The following MED13 variants were observed in gnomAD, a reference collection of about 807,000 sequenced individuals.
The protein encoded by MED13 is mediator of RNA polymerase II transcription subunit 13.
In MED13, 23 loss-of-function variants were observed where a neutral mutation model predicts 225.2. The observed-to-expected ratio is 0.10, with a 90% CI of 0.07 to 0.14. The LOEUF (loss-of-function observed/expected upper bound fraction) is 0.14, where lower values mean the gene tolerates loss of function less well. MED13 is among the 10% of genes least tolerant of loss of function. The pLI is 1.00. For missense variants in MED13, 2,197 were observed against 2,594.5 expected, an observed-to-expected ratio of 0.85 and a Z score of 3.33; for synonymous variants, 942 against 889.2, an observed-to-expected ratio of 1.06 and a Z score of -1.06.
chr17:62,035,926 C>T (rs1372669895), intron 3 of MED13, among the ~76,000 whole-genome samples: 9 of 151,744 alleles, frequency 5.9e-5, no homozygotes, highest in Admixed American at 5.3e-4. Flanking sequence ...GGATAGGCTA[C>T]CAAAATAGTA....
chr17:62,037,592 A>AG, intron 3 of MED13, among the ~76,000 whole-genome samples: 1 of 150,084 alleles, frequency 6.7e-6, no homozygotes, highest in East Asian at 2.0e-4. Context: ...GCTTGAACCC[A>AG]GGAGACGCAG....
At chr17:61,948,893 C>T (rs970916898) in intron 28 of MED13, among the ~76,000 whole-genome samples, 6 of 150,640 alleles carry the variant, frequency 4.0e-5, no homozygotes, top group Admixed American at 6.6e-5. Flanking sequence ...GAGACCATCC[C>T]GGCTAAAACG....
chr17:61,981,813 A>G (rs572522994), intron 16 of MED13, among the ~76,000 whole-genome samples: 138 of 152,362 alleles, frequency 9.1e-4, no homozygotes, highest in African/African-American at 3.1e-3. Flanking sequence ...ATAGATTCAA[A>G]AAGGGCAAAG....
At chr17:61,966,438 A>G (rs2080058826) in intron 19 of MED13, 24 bp downstream of exon 19, 2 of 1,584,572 alleles carry the variant, frequency 1.3e-6, no homozygotes, top group Non-Finnish European at 1.7e-6. Context: ...CACCAGCCTT[A>G]TACAATAAAT....
At chr17:61,973,992 C>T (rs977264096) in intron 16 of MED13, among the ~76,000 whole-genome samples, 8 of 151,570 alleles carry the variant, frequency 5.3e-5, no homozygotes, top group African/African-American at 1.7e-4. Context: ...TCTCAAAAAA[C>T]AAAAACAAAA....
chr17:62,047,013 G>GT (rs2080903635), intron 3 of MED13, among the ~76,000 whole-genome samples: 1 of 149,422 alleles, frequency 6.7e-6, no homozygotes, highest in Non-Finnish European at 1.5e-5. Flanking sequence ...CCACTTCAGA[G>GT]TGTGTGCCAC....
chr17:62,054,082 G>A (rs1301637912), intron 2 of MED13, among the ~76,000 whole-genome samples: 3 of 152,004 alleles, frequency 2.0e-5, no homozygotes, highest in Non-Finnish European at 4.4e-5. Flanking sequence ...TGAGGTGGGC[G>A]GATCACCTGA....
intron 9 of MED13, among the ~76,000 whole-genome samples, chr17:62,001,705 C>T (rs781414485): frequency 1.3e-5 from 2 of 152,086 alleles, no homozygotes; most frequent in African/African-American, 4.8e-5. Context: ...AAATTATTCC[C>T]CACTCTGTGT....
intron 8 of MED13, among the ~76,000 whole-genome samples, chr17:62,020,208 T>C (rs1427891509): frequency 2.0e-5 from 3 of 151,754 alleles, no homozygotes; most frequent in African/African-American, 7.3e-5. Flanking sequence ...ATTTAATGTA[T>C]TGCTTTTTAC....
chr17:62,025,856 CA>C (rs1217496732), intron 8 of MED13, among the ~76,000 whole-genome samples: 1 of 152,102 alleles, frequency 6.6e-6, no homozygotes, highest in African/African-American at 2.4e-5. Context: ...ATCTCTCTAA[CA>C]GAGGTAAATT....
In MED13 at chr17:61,972,716, A is replaced by G; in HGVS notation, c.3967+11T>C. 2 of 1,597,490 alleles carry G rather than the reference A, an allele frequency of 1.3e-6. No individual in the cohort carries two copies. Among genetic ancestry groups the G allele is most frequent in the Non-Finnish European group, 8.5e-7 (1 of 1,174,614 alleles). On this transcript the variant is annotated intron_variant, in intron 17 of 29. Transcript: ENST00000397786. ...AAAATTAGTCATTATATATCACTAT[A>G]AATTACTTACCATAAGAGCCTCGGC...
At chr17:62,035,261 G>T (rs1353968707) in intron 4 of MED13, among the ~76,000 whole-genome samples, 1 of 152,022 alleles carries the variant, frequency 6.6e-6, no homozygotes, top group Non-Finnish European at 1.5e-5. Context: ...TCACGGTCAA[G>T]AATTTTTTGG....
In MED13 at chr17:62,010,605, A is replaced by T. The variant is rs1296314440; in HGVS notation, c.1912T>A (p.Phe638Ile). The T allele has an allele frequency of 1.3e-6, 2 of 1,493,972 alleles. No homozygotes were observed. Among genetic ancestry groups the T allele is most frequent in the African/African-American group, 2.8e-5 (2 of 71,310 alleles). 92.5% of individuals were successfully genotyped at this position (1,493,972 alleles called of 1,614,324 possible). A position where few individuals can be genotyped will look rare whatever the true frequency, so the allele number is the denominator to read the frequency against. Residue 638 changes from phenylalanine (F) to isoleucine (I), a missense_variant, in exon 9 of 30, where the codon TTC becomes ATC. By Grantham distance (21) the Phe-to-Ile change is conservative. Transcript: ENST00000397786. ...FLPPQLPSDK[F>I]KDDPVGPFGQ... Reference sequence around the variant, plus strand: ...AAAGGTCCAACTGGATCATCCTTGAATTTATCACTTGGAAGTTGAGGTGGT... The same window carrying T: ...AAAGGTCCAACTGGATCATCCTTGATTTTATCACTTGGAAGTTGAGGTGGT...
intron 8 of MED13, among the ~76,000 whole-genome samples, chr17:62,016,968 G>A (rs2143621279): frequency 6.6e-6 from 1 of 151,632 alleles, no homozygotes; most frequent in Non-Finnish European, 1.5e-5. Flanking sequence ...CCAAGATCAC[G>A]TCACTGCACT....
chr17:61,953,247 T>C, intron 26 of MED13, 134 bp from the exon 27 acceptor site: 1 of 858,378 alleles, frequency 1.2e-6, no homozygotes, highest in Non-Finnish European at 1.7e-6. Context: ...GTGTCTACCA[T>C]GTGCCAAGTA....
rs201249883 is a variant in MED13 at position 61,944,372 on chromosome 17, GTT to G, written c.*2094_*2095del. On this transcript the variant is annotated 3_prime_UTR_variant, in exon 30 of 30. Coordinates refer to ENST00000397786, the MANE Select transcript of MED13 (RefSeq NM_005121.3). ...ACATTTTCCTTCAAATCTCAGACAA[GTT>G]TTTTTTTTTTTTTTAAAGAAAGTAC... is the stretch of plus-strand genomic sequence containing the variant. 9.8e-4 allele frequency: 137 copies of G among 140,126 alleles called. No homozygotes were observed. The highest frequency in any genetic ancestry group is 3.1e-3 in the African/African-American group (120 of 38,228). The allele number at this position is 140,126 out of a possible 1,614,324, so 8.7% of individuals were successfully genotyped here. A position where few individuals can be genotyped will look rare whatever the true frequency, so the allele number is the denominator to read the frequency against.
intron 8 of MED13, among the ~76,000 whole-genome samples, chr17:62,012,391 A>G (rs374998544): frequency 5.9e-4 from 83 of 139,586 alleles, no homozygotes; most frequent in African/African-American, 2.1e-3. Flanking sequence ...GTGCAATGGC[A>G]TGATCTCAGC....
At chr17:62,035,657 A>C in intron 3 of MED13, 49 bp from the exon 4 acceptor site, 1 of 1,541,106 alleles carries the variant, frequency 6.5e-7, no homozygotes, top group Non-Finnish European at 8.7e-7. Context: ...GTGGCCAAAA[A>C]TGTTAACTTG....
intron 19 of MED13, among the ~76,000 whole-genome samples, 159 bp downstream of exon 19, chr17:61,966,303 A>G (rs1440805162): frequency 6.6e-6 from 1 of 152,218 alleles, no homozygotes; most frequent in South Asian, 2.1e-4. Flanking sequence ...AGTCTCTATG[A>G]AAACTACTCA....
Sources: allele counts gnomAD v4.1 joint callset (sites outside exome capture counted in the v4.1 genomes callset), GRCh38; gene constraint gnomAD v4.1.1; transcripts MANE v1.5; gene names NCBI Gene and HGNC (gene_info 2026-07-23, HGNC 2026-07-21).